The following EPHB2 variants were observed in gnomAD, a reference collection of about 807,000 sequenced individuals.
The protein encoded by EPHB2 is EPH receptor B2.
In EPHB2, 18 loss-of-function variants were observed where a neutral mutation model predicts 96.4. The ratio of observed to expected loss-of-function variants is 0.19; its 90% confidence interval spans 0.13 to 0.28. EPHB2 has a LOEUF of 0.28. EPHB2 is among the 10% of genes least tolerant of loss of function. EPHB2 has a pLI of 1.00. For missense variants in EPHB2, 989 were observed against 1,355.4 expected, an observed-to-expected ratio of 0.73 and a Z score of 4.25; for synonymous variants, 506 against 534.1, an observed-to-expected ratio of 0.95 and a Z score of 0.72.
chr1:22,735,504 T>G (rs1290603232), intron 1 of EPHB2, among the ~76,000 whole-genome samples: 1 of 151,114 alleles, frequency 6.6e-6, no homozygotes. Context: ...AAGTTTACAG[T>G]CCATACTTTC....
rs1231417224 is a variant in EPHB2, at chr1:22,906,982, G to A, written c.2136+25G>A. ...GGTAGGGGAAGCCAAGAGGGCCAGG[G>A]GCCCATGAATGGGGCAGGAAAAGGA... is the stretch of plus-strand genomic sequence containing the variant. On this transcript the variant is annotated intron_variant, in intron 11 of 15. Coordinates refer to ENST00000374630, the MANE Select transcript of EPHB2 (RefSeq NM_017449.5). This position sits in a 1 kb window ranked among gnomAD's most constrained non-coding sequence, Gnocchi z 4.8. 3 of 1,588,608 alleles carry A rather than the reference G, an allele frequency of 1.9e-6. No individual in the cohort carries two copies. The highest frequency in any genetic ancestry group is 1.7e-4 in the Middle Eastern group (1 of 5,940).
chr1:22,895,673 A>C (rs1208493148), intron 8 of EPHB2, 93 bp downstream of exon 8: 11 of 1,203,486 alleles, frequency 9.1e-6, no homozygotes, highest in Non-Finnish European at 2.4e-6. Flanking sequence ...TGGTGAACCG[A>C]GGAGGCATTC....
At position 22,921,341 on chromosome 1, in the gene EPHB2, G is replaced by A. The variant is rs752644952; in HGVS notation, c.*7771G>A. 2.0e-5 allele frequency: 3 copies of A among 152,300 alleles called. No individual in the cohort carries two copies. The highest frequency in any genetic ancestry group is 2.1e-4 in the South Asian group (1 of 4,820). 9.4% of individuals were successfully genotyped at this position (152,300 alleles called of 1,614,324 possible). A position where few individuals can be genotyped will look rare whatever the true frequency, so the allele number is the denominator to read the frequency against. On this transcript the variant is annotated 3_prime_UTR_variant, in exon 16 of 16. Coordinates refer to ENST00000374630, the MANE Select transcript of EPHB2 (RefSeq NM_017449.5). ...TGATACAGCTGGGGTTCCAACCGCC[G>A]TGGGTCAGACCTGGCTCCTCCGGAC... is the stretch of plus-strand genomic sequence containing the variant.
chr1:22,910,075 G>T (rs1041006531), intron 13 of EPHB2, among the ~76,000 whole-genome samples: 2 of 152,150 alleles, frequency 1.3e-5, no homozygotes, highest in Admixed American at 6.5e-5. Context: ...AGGATGGGAG[G>T]AGCTGGTGGA....
chr1:22,787,654 G>C (rs1191040631), intron 3 of EPHB2, among the ~76,000 whole-genome samples: 1 of 152,182 alleles, frequency 6.6e-6, no homozygotes, highest in African/African-American at 2.4e-5. Flanking sequence ...CTACTTAGGA[G>C]GCTGAGGTGG....
At chr1:22,855,061 G>T (rs569824568) in intron 3 of EPHB2, among the ~76,000 whole-genome samples, 9 of 152,350 alleles carry the variant, frequency 5.9e-5, no homozygotes, top group Admixed American at 2.0e-4. Context: ...CCCACAGCTG[G>T]AGTCCCAAGC....
rs190890030 is a variant in EPHB2, at chr1:22,856,711, A to G, written c.812-6326A>G. ...CAGTTTCCTTATCTGTAAAATGGGA[A>G]TGATAATGGTACCTAGTTGGGTGGG... On this transcript the variant is annotated intron_variant, in intron 3 of 15. Transcript: ENST00000374630. Among the ~76,000 whole-genome samples, 195 of 152,296 alleles carry G rather than the reference A, an allele frequency of 1.3e-3. 1 individual carries two copies. The highest frequency in any genetic ancestry group is 6.8e-3 in the Middle Eastern group (2 of 294).
intron 3 of EPHB2, among the ~76,000 whole-genome samples, chr1:22,798,870 C>T (rs1404997215): frequency 1.3e-5 from 2 of 151,998 alleles, no homozygotes; most frequent in Admixed American, 6.6e-5. Flanking sequence ...ATTGTCCGGC[C>T]GCAGGATGGA....
intron 3 of EPHB2, among the ~76,000 whole-genome samples, chr1:22,830,213 G>T (rs952290873): frequency 6.6e-6 from 1 of 152,200 alleles, no homozygotes; most frequent in Non-Finnish European, 1.5e-5. Flanking sequence ...ACTGAGGGGT[G>T]CTGGCTGCCC....
intron 3 of EPHB2, among the ~76,000 whole-genome samples, chr1:22,806,501 G>A (rs1269676097): frequency 2.1e-5 from 2 of 94,290 alleles, no homozygotes; most frequent in African/African-American, 6.2e-5. Flanking sequence ...ACGGACGGAC[G>A]GACGGATGGA....
In EPHB2 at chr1:22,875,571, G is replaced by A. The variant is rs1003897195; in HGVS notation, c.1304-6788G>A. 3.3e-5 allele frequency among the ~76,000 whole-genome samples: 5 copies of A among 152,234 alleles called. No individual in the cohort carries two copies. The East Asian group carries it at 9.7e-4, about 29-fold the overall frequency. ...TCGGGTTCCTGAGGGCGCCAGAAAAGGGGAGAATCTGTCTGGTCCCCGCTT... is the reference window on the plus strand; with the variant it reads ...TCGGGTTCCTGAGGGCGCCAGAAAAAGGGAGAATCTGTCTGGTCCCCGCTT... On this transcript the variant is annotated intron_variant, in intron 5 of 15. Transcript: ENST00000374630. This position sits in a 1 kb window ranked among gnomAD's most constrained non-coding sequence, Gnocchi z 4.2.
intron 3 of EPHB2, among the ~76,000 whole-genome samples, chr1:22,816,375 C>T (rs1331953063): frequency 6.6e-6 from 1 of 152,160 alleles, no homozygotes; most frequent in Non-Finnish European, 1.5e-5. Context: ...AAGTTTCTGG[C>T]TGGTCACAAT....
At chr1:22,728,695 G>T (rs950911217) in intron 1 of EPHB2, among the ~76,000 whole-genome samples, 2 of 152,224 alleles carry the variant, frequency 1.3e-5, no homozygotes, top group African/African-American at 4.8e-5. Context: ...TCACACTAGG[G>T]ATGATCTTCC....
intron 1 of EPHB2, among the ~76,000 whole-genome samples, chr1:22,751,743 G>A (rs1477608226): frequency 6.6e-6 from 1 of 152,176 alleles, no homozygotes; most frequent in Admixed American, 6.5e-5. Flanking sequence ...AAAGACAGTG[G>A]GCTGGGAGGA....
intron 6 of EPHB2, among the ~76,000 whole-genome samples, chr1:22,884,148 A>G (rs1382057592): frequency 6.6e-6 from 1 of 152,190 alleles, no homozygotes. Flanking sequence ...GCAGGGGACC[A>G]TGGACACTGA....
intron 7 of EPHB2, among the ~76,000 whole-genome samples, chr1:22,893,745 CATT>C (rs965579332): frequency 2.6e-5 from 4 of 152,220 alleles, no homozygotes. Flanking sequence ...ACAATGATCT[CATT>C]ATCACTATCA....
intron 6 of EPHB2, among the ~76,000 whole-genome samples, chr1:22,887,612 C>T (rs1257530762): frequency 6.6e-6 from 1 of 152,182 alleles, no homozygotes; most frequent in African/African-American, 2.4e-5. Flanking sequence ...TGATGAATGG[C>T]GGTGGCCTTG....
intron 1 of EPHB2, among the ~76,000 whole-genome samples, chr1:22,747,368 GC>G (rs887070375): frequency 1.3e-5 from 2 of 152,206 alleles, no homozygotes; most frequent in Non-Finnish European, 2.9e-5. Flanking sequence ...CCTTGACATT[GC>G]CCCCAGGTGG....
At chr1:22,841,800 A>C (rs1326285420) in intron 3 of EPHB2, among the ~76,000 whole-genome samples, 5 of 152,142 alleles carry the variant, frequency 3.3e-5, no homozygotes, top group Non-Finnish European at 7.3e-5. Flanking sequence ...CCATCATTTG[A>C]TGAACATCTG....
Sources: allele counts gnomAD v4.1 joint callset (sites outside exome capture counted in the v4.1 genomes callset), GRCh38; gene constraint gnomAD v4.1.1; non-coding constraint Gnocchi (gnomAD v3.1); transcripts MANE v1.5; gene names NCBI Gene and HGNC (gene_info 2026-07-23, HGNC 2026-07-21).